The following STPG2 variants were observed in gnomAD, a reference collection of about 807,000 sequenced individuals.
The protein encoded by STPG2 is sperm-tail PG-rich repeat-containing protein 2.
STPG2 carries 56 observed loss-of-function variants against 54.2 expected under a neutral mutation model. The observed-to-expected ratio is 1.03, with a 90% CI of 0.83 to 1.29. STPG2 has a LOEUF of 1.29. Among genes scored for constraint, STPG2 ranks in the 50% most tolerant of loss-of-function variants. The probability of loss-of-function intolerance (pLI) is 0.00; values close to 1 mark genes in which losing one functional copy is unlikely to be tolerated. For missense variants in STPG2, 596 were observed against 544.9 expected, an observed-to-expected ratio of 1.09 and a Z score of -0.93; for synonymous variants, 200 against 181.8, an observed-to-expected ratio of 1.10 and a Z score of -0.81.
intron 5 of STPG2, among the ~76,000 whole-genome samples, chr4:98,028,639 A>C (rs969382407): frequency 2.0e-5 from 3 of 152,140 alleles, no homozygotes; most frequent in Non-Finnish European, 4.4e-5. Flanking sequence ...GATGTTTTGA[A>C]CCTCATTTAA....
intron 9 of STPG2, among the ~76,000 whole-genome samples, chr4:97,805,831 A>G (rs1421773298): frequency 6.6e-6 from 1 of 151,316 alleles, no homozygotes; most frequent in Non-Finnish European, 1.5e-5. Context: ...TCCTATTATT[A>G]AAAAGTAAAA....
intron 8 of STPG2, among the ~76,000 whole-genome samples, chr4:97,876,524 T>G (rs1414473655): frequency 6.6e-6 from 1 of 152,074 alleles, no homozygotes; most frequent in Non-Finnish European, 1.5e-5. Context: ...TATAAAGTCC[T>G]CAGAGATATT....
chr4:97,547,296 C>T lies in STPG2; in HGVS notation c.462+165403G>A, dbSNP rs545291680. On this transcript the variant is annotated intron_variant, in intron 4 of 4. Transcript: ENST00000522676. ...CACGATCTCGGCTCACTGCAAGCTC[C>T]GCCTCCTGGGTTCACACCATTCTCC... is the stretch of plus-strand genomic sequence containing the variant. 5.6e-3 allele frequency among the ~76,000 whole-genome samples: 844 copies of T among 151,978 alleles called. 7 individuals are homozygous for T. Among genetic ancestry groups the T allele is most frequent in the Middle Eastern group, 0.02 (6 of 294 alleles).
chr4:97,445,029 TCC>T (rs1729185332), intron 4 of STPG2, among the ~76,000 whole-genome samples: 2 of 152,100 alleles, frequency 1.3e-5, no homozygotes, highest in Non-Finnish European at 2.9e-5. Flanking sequence ...AGAGCAAGAC[TCC>T]ATCTCAAATA....
At chr4:97,857,679 A>T (rs1236771014) in intron 8 of STPG2, among the ~76,000 whole-genome samples, 1 of 151,558 alleles carries the variant, frequency 6.6e-6, no homozygotes, top group African/African-American at 2.4e-5. Flanking sequence ...AAAGAAAATC[A>T]CCAAATAAAC....
rs553175908 is a variant in STPG2, at chr4:97,592,276, A to T, written c.1321-33159T>A. ...CCATTCTTAAAATCTAATAAATGAA[A>T]GCCAAAAAATATTAGAATTCTCACT... On this transcript the variant is annotated intron_variant, in intron 10 of 10. Transcript: ENST00000295268. Among the ~76,000 whole-genome samples the T allele has an allele frequency of 5.9e-5, 9 of 152,298 alleles. No individual in the cohort carries two copies. In the South Asian group the frequency reaches 1.4e-3, roughly 25 times the overall value.
chr4:97,722,295 A>C (rs544984920), intron 9 of STPG2, among the ~76,000 whole-genome samples: 1 of 151,740 alleles, frequency 6.6e-6, no homozygotes, highest in African/African-American at 2.4e-5. Context: ...TATTTGCTTA[A>C]GCCTGGAGGG....
chr4:97,528,361 ATC>A (rs1431481796), intron 4 of STPG2, among the ~76,000 whole-genome samples: 1 of 151,896 alleles, frequency 6.6e-6, no homozygotes, highest in Admixed American at 6.6e-5. Context: ...TGGTCTATAT[ATC>A]TGTTTTGGTA....
intron 8 of STPG2, among the ~76,000 whole-genome samples, chr4:97,858,488 A>AT (rs1729401639): frequency 6.6e-6 from 1 of 152,092 alleles, no homozygotes; most frequent in South Asian, 2.1e-4. Context: ...AATTTCTGAG[A>AT]TTTTGGTGTA....
intron 4 of STPG2, among the ~76,000 whole-genome samples, chr4:97,445,657 C>T (rs1187234467): frequency 6.6e-6 from 1 of 152,170 alleles, no homozygotes; most frequent in Admixed American, 6.5e-5. Context: ...CAAATAGTCA[C>T]ATGTGGCTAG....
chr4:97,566,226 A>G (rs961898259), intron 10 of STPG2, among the ~76,000 whole-genome samples: 5 of 152,202 alleles, frequency 3.3e-5, no homozygotes, highest in African/African-American at 7.2e-5. Flanking sequence ...CCATGGGCAT[A>G]GGACCCTCCG....
At chr4:97,803,467 G>A (rs1727458427) in intron 9 of STPG2, among the ~76,000 whole-genome samples, 1 of 152,104 alleles carries the variant, frequency 6.6e-6, no homozygotes, top group Non-Finnish European at 1.5e-5. Flanking sequence ...GGTGGAGGTG[G>A]GGGAGGATCT....
chr4:97,958,980 C>T (rs1374150336), intron 7 of STPG2, among the ~76,000 whole-genome samples: 1 of 152,116 alleles, frequency 6.6e-6, no homozygotes, highest in African/African-American at 2.4e-5. Context: ...GGCCATGAAA[C>T]AAGCCTCAAT....
intron 4 of STPG2, among the ~76,000 whole-genome samples, chr4:97,539,418 A>C (rs569128793): frequency 1.3e-5 from 2 of 152,336 alleles, no homozygotes; most frequent in African/African-American, 4.8e-5. Flanking sequence ...ATAGACTTTA[A>C]ACCAATAAAG....
chr4:97,937,356 C>A (rs1372806740), intron 8 of STPG2, among the ~76,000 whole-genome samples: 2 of 152,042 alleles, frequency 1.3e-5, no homozygotes, highest in Non-Finnish European at 2.9e-5. Flanking sequence ...ATGTTATTAT[C>A]CACCTTTCTA....
chr4:97,695,088 C>CAA lies in STPG2; in HGVS notation c.1320+17609_1320+17610dup, dbSNP rs34399400. Among the ~76,000 whole-genome samples the CAA allele has an allele frequency of 4.6e-3, 634 of 138,448 alleles. 4 individuals are homozygous for CAA. The highest frequency in any genetic ancestry group is 0.014 in the South Asian group (61 of 4,378). 90.8% of individuals were successfully genotyped at this position (138,448 alleles called of 152,430 possible). A position where few individuals can be genotyped will look rare whatever the true frequency, so the allele number is the denominator to read the frequency against. On this transcript the variant is annotated intron_variant, in intron 10 of 10. Transcript: ENST00000295268. Reference sequence around the variant, plus strand: ...GATGAAAATAGATGCAAAAATCCTCCAAAAAAAAAAAATAGTAGCTAGCCA... The same window carrying CAA: ...GATGAAAATAGATGCAAAAATCCTCCAAAAAAAAAAAAAATAGTAGCTAGCCA...
At chr4:97,481,677 T>A (rs1730223681) in intron 4 of STPG2, among the ~76,000 whole-genome samples, 1 of 151,670 alleles carries the variant, frequency 6.6e-6, no homozygotes, top group African/African-American at 2.4e-5. Flanking sequence ...ACACTATTAA[T>A]TTTTGAACAC....
chr4:97,994,594 G>A (rs572937399), intron 5 of STPG2, among the ~76,000 whole-genome samples: 3 of 152,186 alleles, frequency 2.0e-5, no homozygotes, highest in Admixed American at 6.5e-5. Flanking sequence ...CTAGCCACCC[G>A]GCAGAGATAC....
chr4:97,858,395 A>T (rs1456119871), intron 8 of STPG2, among the ~76,000 whole-genome samples: 1 of 152,144 alleles, frequency 6.6e-6, no homozygotes, highest in Non-Finnish European at 1.5e-5. Context: ...GTAGCATGAC[A>T]TATTATTATT....
Sources: allele counts gnomAD v4.1 joint callset (sites outside exome capture counted in the v4.1 genomes callset), GRCh38; gene constraint gnomAD v4.1.1; transcripts MANE v1.5; gene names NCBI Gene and HGNC (gene_info 2026-07-23, HGNC 2026-07-21).